Variants in TRIM24 observed in about 807,000 individuals in gnomAD.
TRIM24 encodes the protein tripartite motif containing 24.
TRIM24 carries 29 observed loss-of-function variants against 123.9 expected under a neutral mutation model. The ratio of observed to expected loss-of-function variants is 0.23; its 90% CI spans 0.17 to 0.32. TRIM24 has a LOEUF of 0.32. Among genes scored for constraint, TRIM24 ranks in the 10% least tolerant of loss-of-function variants. The pLI is 1.00. For missense variants in TRIM24, 932 were observed against 1,295.3 expected, an observed-to-expected ratio of 0.72 and a Z score of 4.31; for synonymous variants, 456 against 461.1, an observed-to-expected ratio of 0.99 and a Z score of 0.14.
intron 7 of TRIM24, among the ~76,000 whole-genome samples, chr7:138,544,793 A>AT: frequency 6.6e-6 from 1 of 152,182 alleles, no homozygotes; most frequent in East Asian, 1.9e-4. Context: ...TCATATGCCT[A>AT]TTGGACATTT....
At chr7:138,519,055 T>C (rs1796455052) in intron 3 of TRIM24, 134 bp from the exon 4 acceptor site, 2 of 1,003,168 alleles carry the variant, frequency 2.0e-6, no homozygotes, top group Admixed American at 5.7e-5. Context: ...TAATTCTTAG[T>C]GAAAGTTATG....
intron 2 of TRIM24, among the ~76,000 whole-genome samples, chr7:138,506,707 G>A (rs1440768076): frequency 6.6e-6 from 1 of 152,126 alleles, no homozygotes; most frequent in Non-Finnish European, 1.5e-5. Flanking sequence ...AAACATAGTA[G>A]GAAGAAGTTA....
chr7:138,574,645 TTAAA>T (rs1310655401), intron 12 of TRIM24, among the ~76,000 whole-genome samples: 1 of 152,158 alleles, frequency 6.6e-6, no homozygotes, highest in Non-Finnish European at 1.5e-5. Flanking sequence ...TAGCTAAGAC[TTAAA>T]TAATAAAAAT....
In TRIM24 at chr7:138,546,616, G is replaced by A. The variant is rs537023618; in HGVS notation, c.1144-4447G>A. Among the ~76,000 whole-genome samples, 10 of 152,316 alleles carry A rather than the reference G, an allele frequency of 6.6e-5. No individual in the cohort carries two copies. In the South Asian group the frequency reaches 1.0e-3, roughly 16 times the overall value. On this transcript the variant is annotated intron_variant, in intron 7 of 18. Transcript: ENST00000343526. ...AAAGTTTTGGAAAAAGACTAATAAC[G>A]TGTGTAGGAGCAGTTGGGTGGGCAC...
At chr7:138,467,548 G>T (rs1458588514) in intron 1 of TRIM24, among the ~76,000 whole-genome samples, 1 of 152,036 alleles carries the variant, frequency 6.6e-6, no homozygotes, top group Non-Finnish European at 1.5e-5. Context: ...TCACCATGTT[G>T]GCCAGGATGG....
chr7:138,529,254 T>C, intron 6 of TRIM24, 24 bp downstream of exon 6: 1 of 1,208,196 alleles, frequency 8.3e-7, no homozygotes. Context: ...CATGGGATAG[T>C]ATATTGATTC....
rs370083946 is a variant in TRIM24, at chr7:138,476,579, C to T, written c.364+15667C>T. Reference sequence around the variant, plus strand: ...CTGCACTCCAGCCTGGGCGACAGAGCGAGGCTCCGTCTCAAAAAAAAAAAA... The same window carrying T: ...CTGCACTCCAGCCTGGGCGACAGAGTGAGGCTCCGTCTCAAAAAAAAAAAA... On this transcript the variant is annotated intron_variant, in intron 1 of 18. Transcript: ENST00000343526. Among the ~76,000 whole-genome samples, 17 of 141,688 alleles carry T rather than the reference C, an allele frequency of 1.2e-4. No individual in the cohort carries two copies. In the East Asian group the frequency reaches 2.9e-3, roughly 24 times the overall value. The allele number at this position is 141,688 out of a possible 152,430, so 93.0% of individuals were successfully genotyped here.
In TRIM24 at chr7:138,471,994, A is replaced by G. The variant is rs570647713; in HGVS notation, c.364+11082A>G. ...TTTTACAGGGTCATGCTCCTCCTGC[A>G]AGGTCAAGTAAGAGAAGACTAAAAA... On this transcript the variant is annotated intron_variant, in intron 1 of 18. Coordinates refer to ENST00000343526, the MANE Select transcript of TRIM24 (RefSeq NM_015905.3). Among the ~76,000 whole-genome samples the G allele has an allele frequency of 2.0e-5, 3 of 152,266 alleles. No homozygotes were observed. The East Asian group carries it at 5.8e-4, about 29-fold the overall frequency.
At position 138,586,188 on chromosome 7, in the gene TRIM24, TA is replaced by T. The variant is rs1234310153; in HGVS notation, c.*1238del. 4.1e-6 allele frequency: 1 copy of T among 242,570 alleles called. No homozygotes were observed. The highest frequency in any genetic ancestry group is 8.3e-6 in the Non-Finnish European group (1 of 120,878). The allele number at this position is 242,570 out of a possible 1,614,324, so 15.0% of individuals were successfully genotyped here. On this transcript the variant is annotated 3_prime_UTR_variant, in exon 19 of 19. Transcript: ENST00000343526. ...ACCCGGTTCAGCTGATATAGATAGA[TA>T]GATAGATAGAAGAAAATTGCTGTGC...
At chr7:138,506,779 A>G (rs3847124) in intron 2 of TRIM24, among the ~76,000 whole-genome samples, 3,240 of 152,236 alleles carry the variant, frequency 0.021, 94 homozygotes, top group African/African-American at 0.071. Flanking sequence ...TGCATGGGTT[A>G]GGGTAGGAAA....
Position 138,588,542 on chromosome 7 carries a change from A to G in TRIM24, c.*3591A>G, listed in dbSNP as rs1584754696. The G allele has an allele frequency of 6.6e-6, 1 of 152,076 alleles. No homozygotes were observed. The highest frequency in any genetic ancestry group is 1.9e-4 in the East Asian group (1 of 5,152). The allele number at this position is 152,076 out of a possible 1,614,324, so 9.4% of individuals were successfully genotyped here. A position where few individuals can be genotyped will look rare whatever the true frequency, so the allele number is the denominator to read the frequency against. On this transcript the variant is annotated 3_prime_UTR_variant, in exon 19 of 19. Transcript: ENST00000343526. Reference sequence around the variant, plus strand: ...TGGTGAAACCCCATCTCTACTAAAAATACCAAAATCACCAGGGTGTGGTGG... The same window carrying G: ...TGGTGAAACCCCATCTCTACTAAAAGTACCAAAATCACCAGGGTGTGGTGG...
intron 7 of TRIM24, among the ~76,000 whole-genome samples, chr7:138,542,111 C>CAT (rs1225907765): frequency 1.3e-5 from 2 of 152,220 alleles, no homozygotes; most frequent in Non-Finnish European, 2.9e-5. Context: ...GTCTGCTTGG[C>CAT]ATTCTCTTCA....
chr7:138,562,841 T>C (rs1203515183), intron 9 of TRIM24, among the ~76,000 whole-genome samples: 2 of 152,214 alleles, frequency 1.3e-5, no homozygotes, highest in Non-Finnish European at 2.9e-5. Context: ...ACCATGGCCT[T>C]TGGGTCAGTC....
chr7:138,464,667 C>T (rs1038001281), intron 1 of TRIM24, among the ~76,000 whole-genome samples: 10 of 151,828 alleles, frequency 6.6e-5, no homozygotes, highest in African/African-American at 2.4e-4. Flanking sequence ...AATATATATA[C>T]ACACACACAA....
At position 138,544,530 on chromosome 7, in the gene TRIM24, A is replaced by G. The variant is rs563328591; in HGVS notation, c.1143+5727A>G. Among the ~76,000 whole-genome samples, 203 of 152,334 alleles carry G rather than the reference A, an allele frequency of 1.3e-3. 1 individual carries two copies. The highest frequency in any genetic ancestry group is 2.6e-3 in the Non-Finnish European group (180 of 68,030). ...TTTCATTTCCTGTTGTAATATACCC[A>G]GCAGAGGGATTGCTGGACCTACAGT... On this transcript the variant is annotated intron_variant, in intron 7 of 18. Transcript: ENST00000343526.
Position 138,520,820 on chromosome 7 carries a change from G to A in TRIM24, c.764+1499G>A, listed in dbSNP as rs536824261. On this transcript the variant is annotated intron_variant, in intron 4 of 18. Coordinates refer to ENST00000343526, the MANE Select transcript of TRIM24 (RefSeq NM_015905.3). ...AAATTAAGAAAATATCCAGAAAGAAGCATCATCAGCAAGAGGAGGATGAAA... is the reference window on the plus strand; with the variant it reads ...AAATTAAGAAAATATCCAGAAAGAAACATCATCAGCAAGAGGAGGATGAAA... Among the ~76,000 whole-genome samples the A allele has an allele frequency of 7.2e-5, 11 of 152,274 alleles. No homozygotes were observed. The South Asian group carries it at 2.3e-3, about 32-fold the overall frequency.
chr7:138,508,708 C>CGTGTGTGTGT (rs61703393), intron 2 of TRIM24, among the ~76,000 whole-genome samples: 5 of 136,194 alleles, frequency 3.7e-5, no homozygotes, highest in African/African-American at 1.3e-4. Context: ...CGCGTGTGTG[C>CGTGTGTGTGT]GTGTGTGTGT....
intron 1 of TRIM24, among the ~76,000 whole-genome samples, chr7:138,475,831 A>G (rs982093437): frequency 6.6e-6 from 1 of 152,226 alleles, no homozygotes; most frequent in Non-Finnish European, 1.5e-5. Flanking sequence ...TTTATATAAA[A>G]GATACATCTG....
chr7:138,476,040 C>G (rs1795389592), intron 1 of TRIM24, among the ~76,000 whole-genome samples: 1 of 152,070 alleles, frequency 6.6e-6, no homozygotes, highest in Non-Finnish European at 1.5e-5. Context: ...ATATTCATGA[C>G]AGCTTTCATT....
Sources: gnomAD v4.1 joint callset for allele counts (sites outside exome capture counted in the v4.1 genomes callset) on GRCh38, gnomAD v4.1.1 for gene constraint, MANE v1.5 for transcripts, NCBI Gene and HGNC (gene_info 2026-07-23, HGNC 2026-07-21) for gene names.